Variants in ARG2 observed in about 807,000 individuals in gnomAD.
ARG2 encodes the protein arginase-2, mitochondrial.
Under a neutral mutation model 39.4 loss-of-function variants are expected in ARG2, and 21 were observed. The observed-to-expected ratio is 0.53, with a 90% CI of 0.38 to 0.77. ARG2 has a LOEUF of 0.77. Ranked by LOEUF, ARG2 falls within the 30% of genes least tolerant of loss-of-function variation. ARG2 has a pLI of 0.00. For missense variants in ARG2, 378 were observed against 426.2 expected, an observed-to-expected ratio of 0.89 and a Z score of 1.00; for synonymous variants, 150 against 156.7, an observed-to-expected ratio of 0.96 and a Z score of 0.32.
In ARG2 at chr14:67,651,289, A is replaced by G. The variant is rs1169278400; in HGVS notation, c.*369A>G. ...CTATACAGTGCATCCTTGAACTGTCAGCCCACAGCAGCAATATGCTTATTC... is the reference window on the plus strand; with the variant it reads ...CTATACAGTGCATCCTTGAACTGTCGGCCCACAGCAGCAATATGCTTATTC... On this transcript the variant is annotated 3_prime_UTR_variant, in exon 8 of 8. Coordinates refer to ENST00000261783, the MANE Select transcript of ARG2 (RefSeq NM_001172.4). 2 of 1,600,900 alleles carry G rather than the reference A, an allele frequency of 1.2e-6. No individual in the cohort carries two copies. The highest frequency in any genetic ancestry group is 1.7e-6 in the Non-Finnish European group (2 of 1,173,636).
chr14:67,627,548 G>C (rs12587111), intron 2 of ARG2, among the ~76,000 whole-genome samples: 31,178 of 151,900 alleles, frequency 0.21, 3,975 homozygotes, highest in African/African-American at 0.36. Context: ...TGGTTGCTAG[G>C]TTGACTCAAC....
At chr14:67,632,086 A>C (rs13343243) in intron 2 of ARG2, among the ~76,000 whole-genome samples, 61,533 of 151,726 alleles carry the variant, frequency 0.41, 15,071 homozygotes, top group African/African-American at 0.69. Flanking sequence ...AGGTCTCACT[A>C]TGCTGCCCCA....
chr14:67,627,254 G>GAT (rs1491381640), intron 2 of ARG2, among the ~76,000 whole-genome samples: 6 of 46,772 alleles, frequency 1.3e-4, no homozygotes, highest in East Asian at 9.0e-4. Context: ...GATCAGTAAG[G>GAT]AGATATATAT....
intron 1 of ARG2, among the ~76,000 whole-genome samples, chr14:67,620,447 C>G (rs908059827): frequency 6.6e-6 from 1 of 151,928 alleles, no homozygotes; most frequent in African/African-American, 2.4e-5. Context: ...GTCAGAATCC[C>G]CAGTGGAGAA....
intron 2 of ARG2, among the ~76,000 whole-genome samples, chr14:67,632,062 T>A (rs1215713422): frequency 1.3e-5 from 2 of 152,110 alleles, no homozygotes; most frequent in African/African-American, 4.8e-5. Context: ...TTTTTTCTTT[T>A]TGTTTTAGAG....
chr14:67,632,277 A>G (rs1359278735), intron 2 of ARG2, among the ~76,000 whole-genome samples: 1 of 152,226 alleles, frequency 6.6e-6, no homozygotes, highest in Admixed American at 6.5e-5. Context: ...ACTTTTTGTT[A>G]TGGAAGTATT....
Position 67,620,078 on chromosome 14 carries a change from C to T in ARG2, c.101C>T (p.Ser34Leu). The T allele has an allele frequency of 6.2e-7, 1 of 1,606,558 alleles. No homozygotes were observed. The highest frequency in any genetic ancestry group is 1.3e-5 in the African/African-American group (1 of 74,572). Residue 34 changes from serine (S) to leucine (L), a missense_variant, in exon 1 of 8, where the codon TCA (serine) becomes TTA (leucine). Physicochemically the swap from Ser to Leu is moderately radical, Grantham distance 145. Coordinates refer to ENST00000261783, the MANE Select transcript of ARG2 (RefSeq NM_001172.4). ...GTGGCTGTGATAGGAGCCCCGTTCT[C>T]ACAAGGGCAGGTGAGAACTGGCACC... Reference protein sequence around the residue: ...HSVAVIGAPFSQGQKRKGVEH... With the variant: ...HSVAVIGAPFLQGQKRKGVEH...
intron 2 of ARG2, among the ~76,000 whole-genome samples, chr14:67,638,380 G>GA (rs1356310191): frequency 6.7e-6 from 1 of 148,540 alleles, no homozygotes; most frequent in Non-Finnish European, 1.5e-5. Context: ...AAAAAAAAAA[G>GA]AAAAAAAATG....
chr14:67,648,296 C>T (rs1364108257), intron 7 of ARG2, 113 bp downstream of exon 7: 15 of 1,274,748 alleles, frequency 1.2e-5, no homozygotes, highest in Non-Finnish European at 1.6e-5. Context: ...TTTGTTTTTG[C>T]TTAAACTTTT....
chr14:67,637,833 T>C (rs150842646), intron 2 of ARG2, among the ~76,000 whole-genome samples: 1 of 152,388 alleles, frequency 6.6e-6, no homozygotes. Context: ...CATTGCTAGC[T>C]GTCCACCAAA....
At chr14:67,622,498 T>C (rs955871490) in intron 2 of ARG2, among the ~76,000 whole-genome samples, 1 of 152,244 alleles carries the variant, frequency 6.6e-6, no homozygotes, top group Admixed American at 6.5e-5. Context: ...CTAAGGCCTC[T>C]CTTAGTCATT....
chr14:67,646,572 G>A (rs1439359651), intron 4 of ARG2, 72 bp from the exon 5 acceptor site: 51 of 1,246,446 alleles, frequency 4.1e-5, no homozygotes, highest in Middle Eastern at 1.9e-4. Flanking sequence ...GCATACCCAC[G>A]GACGCACATG....
At chr14:67,641,571 T>G (rs2037031213) in intron 2 of ARG2, among the ~76,000 whole-genome samples, 1 of 152,244 alleles carries the variant, frequency 6.6e-6, no homozygotes, top group Non-Finnish European at 1.5e-5. Context: ...ATGCCTGGGA[T>G]CTTGTAAATA....
chr14:67,650,657 C>T, intron 7 of ARG2, 58 bp from the exon 8 acceptor site: 1 of 1,493,258 alleles, frequency 6.7e-7, no homozygotes, highest in African/African-American at 1.4e-5. Context: ...AGTGGGATGA[C>T]CCTCACTGAG....
At chr14:67,631,384 T>C (rs2036916226) in intron 2 of ARG2, among the ~76,000 whole-genome samples, 1 of 151,864 alleles carries the variant, frequency 6.6e-6, no homozygotes, top group Non-Finnish European at 1.5e-5. Flanking sequence ...AACACTATTC[T>C]CTCTTGGCTT....
In ARG2 at chr14:67,643,235, T is replaced by C. The variant is rs183525707; in HGVS notation, c.362+872T>C. 5.1e-4 allele frequency among the ~76,000 whole-genome samples: 78 copies of C among 152,322 alleles called. 1 individual carries two copies. The highest frequency in any genetic ancestry group is 7.2e-4 in the Non-Finnish European group (49 of 68,024). ...GATATTTTCTCAGCAGTGCTAGAGA[T>C]TGCAGGAAATTTGTGATATATTAAG... On this transcript the variant is annotated intron_variant, in intron 3 of 7. Coordinates refer to ENST00000261783, the MANE Select transcript of ARG2 (RefSeq NM_001172.4).
intron 2 of ARG2, among the ~76,000 whole-genome samples, chr14:67,625,520 A>AC (rs1178167375): frequency 6.6e-6 from 1 of 151,606 alleles, no homozygotes; most frequent in Admixed American, 6.6e-5. Flanking sequence ...TACTAAAAAT[A>AC]CAAAAAAAAA....
chr14:67,651,343 C>G lies in ARG2; in HGVS notation c.*423C>G. 1 of 1,612,332 alleles carries G rather than the reference C, an allele frequency of 6.2e-7. No homozygotes were observed. The highest frequency in any genetic ancestry group is 8.5e-7 in the Non-Finnish European group (1 of 1,178,882). On this transcript the variant is annotated 3_prime_UTR_variant, in exon 8 of 8. Transcript: ENST00000261783. ...CCACATCCCTAACATCATGCATTCA[C>G]AAGGTCAAAGTTCTGGTCCACAAAC...
chr14:67,642,573 TAAG>T (rs1339219171), intron 3 of ARG2, among the ~76,000 whole-genome samples: 1 of 152,170 alleles, frequency 6.6e-6, no homozygotes, highest in Non-Finnish European at 1.5e-5. Context: ...CATTGCACAG[TAAG>T]AATATGTACA....
Sources: gnomAD v4.1 joint callset for allele counts (sites outside exome capture counted in the v4.1 genomes callset) on GRCh38, gnomAD v4.1.1 for gene constraint, MANE v1.5 for transcripts, NCBI Gene and HGNC (gene_info 2026-07-23, HGNC 2026-07-21) for gene names.